ADAP1: variants seen among roughly 807,000 people sequenced by gnomAD.
ADAP1 encodes the protein arf-GAP with dual PH domain-containing protein 1.
A neutral mutation model predicts 54.9 loss-of-function variants in ADAP1; 31 were observed. The observed-to-expected ratio is 0.56, with a 90% CI of 0.42 to 0.76. ADAP1 has a LOEUF of 0.76. Ranked by LOEUF, ADAP1 falls within the 30% of genes least tolerant of loss-of-function variation. The pLI is 0.00. For missense variants in ADAP1, 535 were observed against 512.4 expected, an observed-to-expected ratio of 1.04 and a Z score of -0.42; for synonymous variants, 313 against 202.6, an observed-to-expected ratio of 1.55 and a Z score of -4.63.
At chr7:935,054 G>C (rs918649473) in intron 2 of ADAP1, 1 of 498,722 alleles carries the variant, frequency 2.0e-6, no homozygotes. Context: ...TGAGCCCAGT[G>C]CTCCAGGTGT....
chr7:912,519 G>A (rs1234081291), intron 4 of ADAP1, among the ~76,000 whole-genome samples: 1 of 152,158 alleles, frequency 6.6e-6, no homozygotes, highest in Non-Finnish European at 1.5e-5. Context: ...TGGCTCAGCG[G>A]GCTGAGGTTC....
rs145749538 is a variant in ADAP1, at chr7:911,144, G to A, written c.389-5972C>T. Among the ~76,000 whole-genome samples, 883 of 152,300 alleles carry A rather than the reference G, an allele frequency of 5.8e-3. 8 individuals carry two copies. The highest frequency in any genetic ancestry group is 0.013 in the African/African-American group (540 of 41,562). ...GCTCCAGGTCCCAGCTTCGCCCTGC[G>A]TGGAGCTCTCTCTCCAAACAGCCAG... On this transcript the variant is annotated intron_variant, in intron 4 of 10. Transcript: ENST00000265846.
intron 10 of ADAP1, 32 bp downstream of exon 10, chr7:899,001 C>T (rs763285811): frequency 2.5e-6 from 4 of 1,609,788 alleles, no homozygotes; most frequent in East Asian, 2.2e-5. Context: ...GCTGGGAGCC[C>T]TTCCAGGCCG....
At chr7:901,146 C>T (rs1252099213) in intron 6 of ADAP1, 2 of 411,282 alleles carry the variant, frequency 4.9e-6, no homozygotes, top group Admixed American at 2.7e-5. Flanking sequence ...CCCTGGTCCT[C>T]TGGAGAGCGT....
chr7:925,413 G>T (rs1234122680), intron 3 of ADAP1, among the ~76,000 whole-genome samples: 2 of 149,914 alleles, frequency 1.3e-5, no homozygotes, highest in Non-Finnish European at 3.0e-5. Context: ...GGTTGCAGCC[G>T]GGAAGTCCGT....
chr7:930,783 T>C (rs369462085), intron 2 of ADAP1, among the ~76,000 whole-genome samples: 1 of 149,288 alleles, frequency 6.7e-6, no homozygotes, highest in South Asian at 2.1e-4. Context: ...CACACCACTG[T>C]ACTCCAGCCT....
At chr7:952,001 A>G (rs1018650618) in intron 1 of ADAP1, among the ~76,000 whole-genome samples, 1 of 152,134 alleles carries the variant, frequency 6.6e-6, no homozygotes, top group African/African-American at 2.4e-5. Context: ...GGCAGCTCCA[A>G]GGATGTACGG....
intron 1 of ADAP1, among the ~76,000 whole-genome samples, 199 bp from the exon 2 acceptor site, chr7:935,704 C>A (rs1474082351): frequency 6.6e-6 from 1 of 151,328 alleles, no homozygotes; most frequent in African/African-American, 2.4e-5. Context: ...GCAGACGGGG[C>A]TCTCCCCAGA....
intron 2 of ADAP1, among the ~76,000 whole-genome samples, chr7:930,118 A>C (rs1035797933): frequency 6.5e-4 from 98 of 150,042 alleles, no homozygotes; most frequent in Non-Finnish European, 1.2e-3. Flanking sequence ...AAAAAAAAAA[A>C]AAAAAAAAAC....
chr7:900,530 CA>C lies in ADAP1; in HGVS notation c.732+2del. ...TGGAGCTGACCGCAGGGCCGCCACT[CA>C]CATCTGCGTCGCCGGCCCCTGGGAA... On this transcript the variant is annotated splice_donor_variant, in intron 7 of 10. Coordinates refer to ENST00000265846, the MANE Select transcript of ADAP1 (RefSeq NM_006869.4). LOFTEE classifies it high-confidence loss of function. The C allele has an allele frequency of 6.2e-7, 1 of 1,604,938 alleles. No individual in the cohort carries two copies. Among genetic ancestry groups the C allele is most frequent in the Non-Finnish European group, 8.5e-7 (1 of 1,176,304 alleles).
At position 946,535 on chromosome 7, in the gene ADAP1, AC is replaced by A. The variant is rs923622252; in HGVS notation, c.82+7860del. 1.6e-4 allele frequency among the ~76,000 whole-genome samples: 24 copies of A among 148,242 alleles called. No individual in the cohort carries two copies. The highest frequency in any genetic ancestry group is 3.3e-4 in the African/African-American group (13 of 39,938). On this transcript the variant is annotated intron_variant, in intron 1 of 10. Coordinates refer to ENST00000265846, the MANE Select transcript of ADAP1 (RefSeq NM_006869.4). The surrounding 1 kb of genome is among the most constrained non-coding windows in gnomAD (Gnocchi z 4.3). ...AGTCCATTTTCAGAATCCCCCAAGG[AC>A]CCCCCCAGGCTCTGCCCTGCCCCTG...
intron 2 of ADAP1, among the ~76,000 whole-genome samples, chr7:931,118 G>A (rs1846563932): frequency 6.6e-6 from 1 of 151,792 alleles, no homozygotes; most frequent in African/African-American, 2.4e-5. Context: ...AGAGACAGAG[G>A]GAGGGACGGA....
Position 924,572 on chromosome 7 carries a change from G to A in ADAP1, c.305+1981C>T, listed in dbSNP as rs546869351. Among the ~76,000 whole-genome samples the A allele has an allele frequency of 6.3e-5, 8 of 126,408 alleles. 1 individual carries two copies. The South Asian group carries it at 1.1e-3, about 17-fold the overall frequency. 82.9% of individuals were successfully genotyped at this position (126,408 alleles called of 152,430 possible). A position where few individuals can be genotyped will look rare whatever the true frequency, so the allele number is the denominator to read the frequency against. On this transcript the variant is annotated intron_variant, in intron 3 of 10. Coordinates refer to ENST00000265846, the MANE Select transcript of ADAP1 (RefSeq NM_006869.4). ...CCTCCAGGTCCACGCTGCACCCCCC[G>A]CCCTCCAAGTTATACTGCAGGTCCA...
rs143989050 is a variant in ADAP1 at position 905,210 on chromosome 7, T to TG, written c.389-39dup. ...GGGGACACGAGTCGGTGACAGTGGA[T>TG]GGGGGGGAGGAAACAAAAGGAGTGA... On this transcript the variant is annotated intron_variant, in intron 4 of 10. Transcript: ENST00000265846. 68 of 1,463,218 alleles carry TG rather than the reference T, an allele frequency of 4.6e-5. No homozygotes were observed. The Admixed American group carries it at 4.9e-4, about 11-fold the overall frequency. The allele number at this position is 1,463,218 out of a possible 1,614,324, so 90.6% of individuals were successfully genotyped here. A position where few individuals can be genotyped will look rare whatever the true frequency, so the allele number is the denominator to read the frequency against.
intron 4 of ADAP1, among the ~76,000 whole-genome samples, chr7:912,877 G>C (rs1301401048): frequency 6.6e-6 from 1 of 152,102 alleles, no homozygotes; most frequent in African/African-American, 2.4e-5. Flanking sequence ...TTAAGACAAG[G>C]TCTCTCTGTG....
chr7:928,728 G>C (rs985677588), intron 2 of ADAP1, among the ~76,000 whole-genome samples: 5 of 152,254 alleles, frequency 3.3e-5, no homozygotes, highest in African/African-American at 9.6e-5. Context: ...AGAATGTGGA[G>C]TGATCAGAGC....
Position 905,087 on chromosome 7 carries a change from A to G in ADAP1, c.474T>C (p.Gly158=), listed in dbSNP as rs1204321214. Residue 158 remains glycine (G), a synonymous_variant, in exon 5 of 11, where the codon GGT becomes GGC. Coordinates refer to ENST00000265846, the MANE Select transcript of ADAP1 (RefSeq NM_006869.4). The stretch of plus-strand genomic sequence containing the variant: ...CATTTCTGTTGAAATACTTCAGAGC[A>G]CCCTCTCGTTCTGTCAGCACAAACT... ...SRKFVLTERE[G]ALKYFNRNDA... The G allele has an allele frequency of 6.2e-7, 1 of 1,611,790 alleles. No homozygotes were observed. Among genetic ancestry groups the G allele is most frequent in the Non-Finnish European group, 8.5e-7 (1 of 1,179,852 alleles).
intron 3 of ADAP1, among the ~76,000 whole-genome samples, chr7:922,821 C>T (rs1846237487): frequency 6.6e-6 from 1 of 150,662 alleles, no homozygotes; most frequent in South Asian, 2.1e-4. Context: ...CACACCCCCG[C>T]CCACGCACCT....
Position 898,561 on chromosome 7 carries a change from G to A in ADAP1, c.*360C>T, listed in dbSNP as rs567823644. On this transcript the variant is annotated 3_prime_UTR_variant, in exon 11 of 11. Transcript: ENST00000265846. The stretch of plus-strand genomic sequence containing the variant: ...GTGCTGGCCCCAAGCAGGGCTCTGC[G>A]CTGAGGCCTGGAAGTTCCCACAGCC... 1.9e-4 allele frequency: 72 copies of A among 380,056 alleles called. No individual in the cohort carries two copies. Among genetic ancestry groups the A allele is most frequent in the East Asian group, 7.2e-4 (12 of 16,740 alleles). 23.5% of individuals were successfully genotyped at this position (380,056 alleles called of 1,614,324 possible). A position where few individuals can be genotyped will look rare whatever the true frequency, so the allele number is the denominator to read the frequency against.
Sources: allele counts gnomAD v4.1 joint callset (sites outside exome capture counted in the v4.1 genomes callset), GRCh38; gene constraint gnomAD v4.1.1; non-coding constraint Gnocchi (gnomAD v3.1); transcripts MANE v1.5; gene names NCBI Gene and HGNC (gene_info 2026-07-23, HGNC 2026-07-21).